BCKDHB: variants seen among roughly 807,000 people sequenced by gnomAD.
BCKDHB encodes branched chain keto acid dehydrogenase E1 subunit beta.
Under a neutral mutation model 48.5 loss-of-function variants are expected in BCKDHB, and 41 were observed. The observed-to-expected ratio is 0.85, with a 90% CI of 0.66 to 1.10. BCKDHB has a LOEUF of 1.10. Among genes scored for constraint, BCKDHB ranks in the 50% least tolerant of loss-of-function variants. The pLI is 0.00. For missense variants in BCKDHB, 496 were observed against 494.2 expected, an observed-to-expected ratio of 1.00 and a Z score of -0.03; for synonymous variants, 201 against 174.8, an observed-to-expected ratio of 1.15 and a Z score of -1.18.
At chr6:80,289,245 A>G (rs1258633386) in intron 9 of BCKDHB, among the ~76,000 whole-genome samples, 1 of 152,188 alleles carries the variant, frequency 6.6e-6, no homozygotes, top group Non-Finnish European at 1.5e-5. Context: ...AATGCGAGCT[A>G]AAAATAGCCA....
intron 8 of BCKDHB, among the ~76,000 whole-genome samples, chr6:80,233,990 C>T (rs1776040600): frequency 6.6e-6 from 1 of 151,988 alleles, no homozygotes; most frequent in Admixed American, 6.6e-5. Flanking sequence ...AACTGTTCTA[C>T]CTCAGATCAC....
intron 8 of BCKDHB, among the ~76,000 whole-genome samples, chr6:80,221,843 AG>A (rs528239654): frequency 8.3e-4 from 127 of 152,362 alleles, no homozygotes; most frequent in Non-Finnish European, 1.3e-3. Flanking sequence ...TGGCACTTAC[AG>A]CCAAATACCG....
At chr6:80,354,778 GT>G in the BCKDHB span, among the ~76,000 whole-genome samples, 1 of 152,094 alleles carries the variant, frequency 6.6e-6, no homozygotes, top group Non-Finnish European at 1.5e-5. Flanking sequence ...CTTTGTGTAT[GT>G]TTTTATTGGC....
At chr6:80,225,021 T>C (rs1175297503) in intron 8 of BCKDHB, among the ~76,000 whole-genome samples, 10 of 152,196 alleles carry the variant, frequency 6.6e-5, no homozygotes, top group Admixed American at 6.5e-4. Flanking sequence ...CTTCCACCTA[T>C]TGATTCTTAT....
chr6:80,342,862 C>A (rs1457092773), intron 9 of BCKDHB, among the ~76,000 whole-genome samples: 1 of 152,112 alleles, frequency 6.6e-6, no homozygotes, highest in Non-Finnish European at 1.5e-5. Flanking sequence ...CTACAGTGTT[C>A]TACTGTGGTT....
rs925716324 is a variant in BCKDHB, at chr6:80,344,688, A to G, written c.*884A>G. 1 of 152,228 alleles carries G rather than the reference A, an allele frequency of 6.6e-6. No homozygotes were observed. Among genetic ancestry groups the G allele is most frequent in the African/African-American group, 2.4e-5 (1 of 41,458 alleles). The allele number at this position is 152,228 out of a possible 1,614,324, so 9.4% of individuals were successfully genotyped here. A position where few individuals can be genotyped will look rare whatever the true frequency, so the allele number is the denominator to read the frequency against. On this transcript the variant is annotated 3_prime_UTR_variant, in exon 10 of 10. Coordinates refer to ENST00000320393, the MANE Select transcript of BCKDHB (RefSeq NM_183050.4). Reference sequence around the variant, plus strand: ...AAAATAGATGCATGCATATGTTAACATTGAATAGTCAATCACTAGATGAAG... The same window carrying G: ...AAAATAGATGCATGCATATGTTAACGTTGAATAGTCAATCACTAGATGAAG...
At chr6:80,120,330 A>G (rs1769939054) in intron 1 of BCKDHB, among the ~76,000 whole-genome samples, 1 of 142,994 alleles carries the variant, frequency 7.0e-6, no homozygotes, top group Admixed American at 6.8e-5. Flanking sequence ...ATACATGTGC[A>G]TGTGTCTTTA....
intron 9 of BCKDHB, among the ~76,000 whole-genome samples, chr6:80,288,412 A>G (rs1021609251): frequency 2.0e-5 from 3 of 152,176 alleles, no homozygotes; most frequent in African/African-American, 4.8e-5. Context: ...GTTTAATGGC[A>G]TACTGACATG....
At chr6:80,460,236 C>T in the BCKDHB span, among the ~76,000 whole-genome samples, 781 of 152,226 alleles carry the variant, frequency 5.1e-3, 5 homozygotes, top group African/African-American at 0.017. Context: ...CTGAGCATGT[C>T]TTGCACAACT....
At position 80,149,939 on chromosome 6, in the gene BCKDHB, T is replaced by G. The variant is rs189523488; in HGVS notation, c.344-17739T>G. ...CACATATATACATATGTAACTAACC[T>G]GCACATTGTGCACATGTACCCTAAA... On this transcript the variant is annotated intron_variant, in intron 3 of 9. Coordinates refer to ENST00000320393, the MANE Select transcript of BCKDHB (RefSeq NM_183050.4). 1.7e-3 allele frequency among the ~76,000 whole-genome samples: 255 copies of G among 151,934 alleles called. 1 individual carries two copies. The highest frequency in any genetic ancestry group is 5.8e-3 in the African/African-American group (242 of 41,412).
intron 9 of BCKDHB, among the ~76,000 whole-genome samples, chr6:80,277,279 T>A (rs1044778987): frequency 6.6e-6 from 1 of 152,102 alleles, no homozygotes; most frequent in Non-Finnish European, 1.5e-5. Context: ...CTTGTATGCT[T>A]CAGCTTTATG....
intron 3 of BCKDHB, among the ~76,000 whole-genome samples, chr6:80,165,419 C>G (rs951703409): frequency 2.0e-5 from 3 of 152,148 alleles, no homozygotes; most frequent in African/African-American, 7.2e-5. Flanking sequence ...CAGGATGTGT[C>G]TGGTCGGCAT....
At chr6:80,243,473 TATTAA>T (rs1776478106) in intron 8 of BCKDHB, among the ~76,000 whole-genome samples, 1 of 152,238 alleles carries the variant, frequency 6.6e-6, no homozygotes, top group East Asian at 1.9e-4. Flanking sequence ...GATAAAACTA[TATTAA>T]ATTAAGTATT....
chr6:80,409,599 T>C, the BCKDHB span, among the ~76,000 whole-genome samples: 1 of 56,246 alleles, frequency 1.8e-5, no homozygotes, highest in African/African-American at 1.2e-4. Context: ...TATATATATA[T>C]ATATATATAT....
At chr6:80,308,155 TC>T (rs1767970066) in intron 9 of BCKDHB, among the ~76,000 whole-genome samples, 1 of 152,018 alleles carries the variant, frequency 6.6e-6, no homozygotes, top group Non-Finnish European at 1.5e-5. Context: ...TTTTTTCATT[TC>T]CCCCCTATGT....
At chr6:80,146,151 A>G (rs1211185193) in intron 3 of BCKDHB, among the ~76,000 whole-genome samples, 1 of 152,096 alleles carries the variant, frequency 6.6e-6, no homozygotes, top group Non-Finnish European at 1.5e-5. Flanking sequence ...TGGAGGTTTA[A>G]AAGGTCCCCA....
chr6:80,232,821 G>A lies in BCKDHB; in HGVS notation c.951+29609G>A, dbSNP rs181911698. Among the ~76,000 whole-genome samples, 19 of 151,086 alleles carry A rather than the reference G, an allele frequency of 1.3e-4. 1 individual carries two copies. The highest frequency in any genetic ancestry group is 7.8e-4 in the East Asian group (4 of 5,128). On this transcript the variant is annotated intron_variant, in intron 8 of 9. Transcript: ENST00000320393. ...AGAGTGTGTGTATGTGTGTTTGTGC[G>A]TTCTCTTTCTTTATGGCAAGCATAT...
At chr6:80,182,600 C>G (rs966287910) in intron 6 of BCKDHB, among the ~76,000 whole-genome samples, 1 of 152,090 alleles carries the variant, frequency 6.6e-6, no homozygotes, top group African/African-American at 2.4e-5. Flanking sequence ...GTTCCCTTTT[C>G]CTACTGGCTC....
At chr6:80,366,327 G>A in the BCKDHB span, among the ~76,000 whole-genome samples, 1 of 152,112 alleles carries the variant, frequency 6.6e-6, no homozygotes, top group African/African-American at 2.4e-5. Flanking sequence ...GAAAGAGTTT[G>A]AATGTTTAGT....
Sources: allele counts gnomAD v4.1 joint callset (sites outside exome capture counted in the v4.1 genomes callset), GRCh38; gene constraint gnomAD v4.1.1; transcripts MANE v1.5; gene names NCBI Gene and HGNC (gene_info 2026-07-23, HGNC 2026-07-21).